The following SEL1L3 variants were observed in gnomAD, a reference collection of about 807,000 sequenced individuals.
The protein encoded by SEL1L3 is protein sel-1 homolog 3.
Under a neutral mutation model 142.8 loss-of-function variants are expected in SEL1L3, and 76 were observed. The ratio of observed to expected loss-of-function variants is 0.53; its 90% CI spans 0.44 to 0.64. The LOEUF (loss-of-function observed/expected upper bound fraction) is 0.64. Among genes scored for constraint, SEL1L3 ranks in the 30% least tolerant of loss-of-function variants. The pLI, the probability that SEL1L3 is intolerant of heterozygous loss-of-function variation, is 0.00. For synonymous variants in SEL1L3, 504 were observed against 519.6 expected (o/e 0.97, Z 0.41); for missense variants, 1,262 against 1,381.7 (o/e 0.91, Z 1.37).
At chr4:25,821,878 G>T in intron 7 of SEL1L3, 118 bp downstream of exon 7, 1 of 1,019,410 alleles carries the variant, frequency 9.8e-7, no homozygotes, top group Non-Finnish European at 1.4e-6. Context: ...GATGTCTGAT[G>T]ACAGAGGCGA....
At chr4:25,766,439 CAA>C (rs35486393) in intron 19 of SEL1L3, among the ~76,000 whole-genome samples, 3,781 of 93,644 alleles carry the variant, frequency 0.04, 120 homozygotes, top group African/African-American at 0.14. Flanking sequence ...GACTCCATCT[CAA>C]AAAAAAAAAA....
chr4:25,768,363 A>G (rs1718905167), intron 17 of SEL1L3, among the ~76,000 whole-genome samples: 1 of 152,240 alleles, frequency 6.6e-6, no homozygotes, highest in African/African-American at 2.4e-5. Flanking sequence ...TGACACCACT[A>G]GCAATCAAAT....
In SEL1L3 at chr4:25,849,649, T is replaced by A. The variant is rs533309673; in HGVS notation, c.163-1785A>T. On this transcript the variant is annotated intron_variant, in intron 1 of 23. Transcript: ENST00000399878. ...GGGAATGTCCTTAACACCACTGAAC[T>A]GTACACTTAGAAATGATTAAAAAGG... Among the ~76,000 whole-genome samples the A allele has an allele frequency of 2.6e-5, 4 of 152,334 alleles. No individual in the cohort carries two copies. In the East Asian group the frequency reaches 5.8e-4, roughly 22 times the overall value.
intron 19 of SEL1L3, among the ~76,000 whole-genome samples, 194 bp from the exon 20 acceptor site, chr4:25,765,629 C>A (rs143901106): frequency 1.3e-5 from 2 of 152,164 alleles, no homozygotes; most frequent in African/African-American, 4.8e-5. Flanking sequence ...TATTTCTAGA[C>A]ATATTTTTTT....
At chr4:25,841,197 T>A (rs1171830679) in intron 2 of SEL1L3, among the ~76,000 whole-genome samples, 1 of 152,124 alleles carries the variant, frequency 6.6e-6, no homozygotes, top group African/African-American at 2.4e-5. Context: ...CATGCCTGGC[T>A]AATTTTCTGT....
intron 2 of SEL1L3, among the ~76,000 whole-genome samples, chr4:25,838,422 A>T (rs1715968657): frequency 6.6e-6 from 1 of 152,138 alleles, no homozygotes; most frequent in Non-Finnish European, 1.5e-5. Context: ...GAGACAAGAA[A>T]AGTGTGAGTG....
At chr4:25,828,045 A>G (rs565033182) in intron 6 of SEL1L3, among the ~76,000 whole-genome samples, 1 of 152,218 alleles carries the variant, frequency 6.6e-6, no homozygotes, top group East Asian at 1.9e-4. Flanking sequence ...CAACACTCCT[A>G]TGTGTTGAAC....
intron 9 of SEL1L3, among the ~76,000 whole-genome samples, chr4:25,812,077 T>C (rs1043063284): frequency 6.6e-6 from 1 of 152,222 alleles, no homozygotes; most frequent in Non-Finnish European, 1.5e-5. Context: ...ATCCAACTTA[T>C]ACTTTGAATT....
At chr4:25,765,966 A>G (rs1416196946) in intron 19 of SEL1L3, among the ~76,000 whole-genome samples, 2 of 152,142 alleles carry the variant, frequency 1.3e-5, no homozygotes, top group Non-Finnish European at 2.9e-5. Context: ...TTGGCCAGGT[A>G]GCTCTCCTGA....
At chr4:25,795,691 C>T (rs1468690563) in intron 11 of SEL1L3, among the ~76,000 whole-genome samples, 7 of 152,320 alleles carry the variant, frequency 4.6e-5, no homozygotes, top group Admixed American at 1.3e-4. Context: ...AGCCACCACA[C>T]GCTGCCTGCC....
At chr4:25,766,272 C>T (rs1255427228) in intron 19 of SEL1L3, among the ~76,000 whole-genome samples, 4 of 151,914 alleles carry the variant, frequency 2.6e-5, no homozygotes, top group African/African-American at 9.7e-5. Flanking sequence ...AATCCCACCT[C>T]TACTAAAAAA....
At chr4:25,850,410 A>T (rs1015510532) in intron 1 of SEL1L3, among the ~76,000 whole-genome samples, 3 of 152,334 alleles carry the variant, frequency 2.0e-5, no homozygotes, top group South Asian at 2.1e-4. Context: ...TCCCTACTAG[A>T]TTTGCAAAGA....
In SEL1L3 at chr4:25,747,774, G is replaced by A. The variant is rs1298001349; in HGVS notation, c.*651C>T. ...AAATGTAATTTCATGGATTGCAATT[G>A]AAATGTAAAAGATATCCGACAATGC... On this transcript the variant is annotated 3_prime_UTR_variant, in exon 24 of 24. Transcript: ENST00000399878. 1.3e-5 allele frequency: 2 copies of A among 152,614 alleles called. No homozygotes were observed. The highest frequency in any genetic ancestry group is 4.8e-5 in the African/African-American group (2 of 41,442). The allele number at this position is 152,614 out of a possible 1,614,324, so 9.5% of individuals were successfully genotyped here. A position where few individuals can be genotyped will look rare whatever the true frequency, so the allele number is the denominator to read the frequency against.
At chr4:25,810,268 T>TC (rs1713930048) in intron 9 of SEL1L3, among the ~76,000 whole-genome samples, 1 of 151,898 alleles carries the variant, frequency 6.6e-6, no homozygotes, top group African/African-American at 2.4e-5. Context: ...GCTGCCCAGC[T>TC]CCCCCCTCCC....
At chr4:25,862,304 G>T (rs1717768736) in intron 1 of SEL1L3, among the ~76,000 whole-genome samples, 1 of 151,272 alleles carries the variant, frequency 6.6e-6, no homozygotes, top group Non-Finnish European at 1.5e-5. Flanking sequence ...CCCAGGAGGG[G>T]TGGGGGGTTG....
chr4:25,725,901 A>T, the SEL1L3 span, among the ~76,000 whole-genome samples: 1 of 152,120 alleles, frequency 6.6e-6, no homozygotes, highest in African/African-American at 2.4e-5. Context: ...TTTCATTGCT[A>T]TCTTAGATTT....
At chr4:25,721,897 A>T in the SEL1L3 span, among the ~76,000 whole-genome samples, 2 of 152,194 alleles carry the variant, frequency 1.3e-5, no homozygotes, top group Non-Finnish European at 2.9e-5. Context: ...GTGTTTGCAC[A>T]GTTGTGCTTT....
chr4:25,718,394 G>C, the SEL1L3 span: 1 of 152,174 alleles, frequency 6.6e-6, no homozygotes, highest in Non-Finnish European at 1.5e-5. Flanking sequence ...ATTAGTGGGA[G>C]CAGTGTTTGA....
chr4:25,792,555 G>A (rs1712424227), intron 11 of SEL1L3, among the ~76,000 whole-genome samples: 1 of 152,256 alleles, frequency 6.6e-6, no homozygotes, highest in Non-Finnish European at 1.5e-5. Context: ...GAATTGTGCT[G>A]AAGCCTGAGC....
Sources: allele counts gnomAD v4.1 joint callset (sites outside exome capture counted in the v4.1 genomes callset), GRCh38; gene constraint gnomAD v4.1.1; transcripts MANE v1.5; gene names NCBI Gene and HGNC (gene_info 2026-07-23, HGNC 2026-07-21).